The following MAD2L2 variants were observed in gnomAD, a reference collection of about 807,000 sequenced individuals.
The protein encoded by MAD2L2 is mitotic arrest deficient 2 like 2, also known as mitotic spindle assembly checkpoint protein MAD2B.
Under a neutral mutation model 30.5 loss-of-function variants are expected in MAD2L2, and 17 were observed. The ratio of observed to expected loss-of-function variants is 0.56; its 90% CI spans 0.38 to 0.84. The LOEUF is 0.84. Ranked by LOEUF, MAD2L2 falls within the 40% of genes least tolerant of loss-of-function variation. The pLI, the probability that MAD2L2 is intolerant of heterozygous loss-of-function variation, is 0.00. For synonymous variants in MAD2L2, 101 were observed against 113.9 expected (o/e 0.89, Z 0.72); for missense variants, 213 against 277.4 (o/e 0.77, Z 1.65).
At chr1:11,675,925 T>C (rs1640759324) in intron 6 of MAD2L2, 121 bp downstream of exon 6, 2 of 932,936 alleles carry the variant, frequency 2.1e-6, no homozygotes, top group Non-Finnish European at 3.5e-6. Context: ...CCAGAGGAGG[T>C]GGACTCTCAG....
In MAD2L2 at chr1:11,674,759, G is replaced by A. The variant is rs1300722360; in HGVS notation, c.*16C>T. On this transcript the variant is annotated 3_prime_UTR_variant, in exon 9 of 9. Transcript: ENST00000376692. This position sits in a 1 kb window ranked among gnomAD's most constrained non-coding sequence, Gnocchi z 6.1. ...AGTCTGACAGTTTGGGCATCAGTGG[G>A]GTGGCAGGTGCCCCCTCAGCTGCCT... 1 of 1,613,070 alleles carries A rather than the reference G, an allele frequency of 6.2e-7. No individual in the cohort carries two copies. The highest frequency in any genetic ancestry group is 8.5e-7 in the Non-Finnish European group (1 of 1,179,504).
Position 11,674,633 on chromosome 1 carries a change from G to C in MAD2L2, c.*142C>G, listed in dbSNP as rs1455209734. 6 of 840,368 alleles carry C rather than the reference G, an allele frequency of 7.1e-6. No individual in the cohort carries two copies. Among genetic ancestry groups the C allele is most frequent in the Middle Eastern group, 3.0e-4 (1 of 3,346 alleles). The allele number at this position is 840,368 out of a possible 1,614,324, so 52.1% of individuals were successfully genotyped here. A position where few individuals can be genotyped will look rare whatever the true frequency, so the allele number is the denominator to read the frequency against. On this transcript the variant is annotated 3_prime_UTR_variant, in exon 9 of 9. Transcript: ENST00000376692. This position sits in a 1 kb window ranked among gnomAD's most constrained non-coding sequence, Gnocchi z 6.1. ...GGGGAGGCATCCTCCAAGCAGACCT[G>C]AGCGGCCCCGGGCTGGGGCGGGCGA...
chr1:11,677,795 C>A lies in MAD2L2; in HGVS notation c.160-181G>T, dbSNP rs191867938. ...TAAGAACTGGCCGGGCATGGTGGCT[C>A]ACGCCTATAATCTCAGCACTTTGGG... On this transcript the variant is annotated intron_variant, in intron 3 of 8. Transcript: ENST00000376692. 3.3e-3 allele frequency among the ~76,000 whole-genome samples: 508 copies of A among 151,998 alleles called. 1 individual carries two copies. The highest frequency in any genetic ancestry group is 0.011 in the African/African-American group (467 of 41,436).
intron 4 of MAD2L2, 77 bp from the exon 5 acceptor site, chr1:11,677,025 C>T: frequency 8.7e-7 from 1 of 1,149,524 alleles, no homozygotes; most frequent in Non-Finnish European, 1.3e-6. Context: ...CCCCCTTGCC[C>T]AAGGAAGGAG....
At position 11,674,990 on chromosome 1, in the gene MAD2L2, C is replaced by A; in HGVS notation, c.594+92G>T. The A allele has an allele frequency of 7.6e-7, 1 of 1,309,486 alleles. No homozygotes were observed. The highest frequency in any genetic ancestry group is 1.1e-6 in the Non-Finnish European group (1 of 930,210). 81.1% of individuals were successfully genotyped at this position (1,309,486 alleles called of 1,614,324 possible). On this transcript the variant is annotated intron_variant, in intron 8 of 8. Transcript: ENST00000376692. This position sits in a 1 kb window ranked among gnomAD's most constrained non-coding sequence, Gnocchi z 6.1. ...CCTCCACCAGGCACTCCCCCGTTCT[C>A]TCCCGCAAGCCCTCTAGTAAGGCCT...
intron 3 of MAD2L2, among the ~76,000 whole-genome samples, chr1:11,679,575 G>A (rs72638627): frequency 0.16 from 24,284 of 149,010 alleles, 2,284 homozygotes; most frequent in South Asian, 0.23. Flanking sequence ...CGCCCAGGCT[G>A]GAGTGCAGTG....
At chr1:11,689,269 G>C (rs1040033596) in intron 1 of MAD2L2, among the ~76,000 whole-genome samples, 9 of 139,682 alleles carry the variant, frequency 6.4e-5, no homozygotes, top group Admixed American at 1.5e-4. Context: ...TACAAGCCTG[G>C]GCAACAAAGT....
rs28924106 is a variant in MAD2L2 at position 11,677,509 on chromosome 1, G to A, written c.231+34C>T. ...CACACAGGGACGGGGGTGAGCATGG[G>A]GTGAGATGGCTGGGGAGCCCAGTGC... On this transcript the variant is annotated intron_variant, in intron 4 of 8. Coordinates refer to ENST00000376692, the MANE Select transcript of MAD2L2 (RefSeq NM_006341.4). 3.7e-5 allele frequency: 59 copies of A among 1,601,076 alleles called. No individual in the cohort carries two copies. The African/African-American group carries it at 7.6e-4, about 21-fold the overall frequency.
chr1:11,687,849 T>G lies in MAD2L2; in HGVS notation c.-692+3564A>C, dbSNP rs1346665589. Among the ~76,000 whole-genome samples the G allele has an allele frequency of 1.3e-5, 2 of 152,178 alleles. No homozygotes were observed. Among genetic ancestry groups the G allele is most frequent in the African/African-American group, 2.4e-5 (1 of 41,444 alleles). ...TACTCCCGTGTATGGATAGACCACATCTGCTTATCCAGTCATCAGTTGATG... is the reference window on the plus strand; with the variant it reads ...TACTCCCGTGTATGGATAGACCACAGCTGCTTATCCAGTCATCAGTTGATG... On this transcript the variant is annotated intron_variant, in intron 1 of 10. Transcript: ENST00000235310. This position sits in a 1 kb window ranked among gnomAD's most constrained non-coding sequence, Gnocchi z 4.1.
intron 1 of MAD2L2, chr1:11,691,352 A>C (rs939685112): frequency 4.0e-5 from 6 of 151,800 alleles, no homozygotes; most frequent in Non-Finnish European, 8.8e-5. Flanking sequence ...GAGGCGCCAC[A>C]ACTGCCGGAG....
At position 11,680,702 on chromosome 1, in the gene MAD2L2, T is replaced by C. The variant is rs1300869001; in HGVS notation, c.-12-89A>G. 2.7e-6 allele frequency: 4 copies of C among 1,482,158 alleles called. No individual in the cohort carries two copies. The Admixed American group carries it at 7.4e-5, about 27-fold the overall frequency. 91.8% of individuals were successfully genotyped at this position (1,482,158 alleles called of 1,614,324 possible). On this transcript the variant is annotated intron_variant, in intron 1 of 8. Transcript: ENST00000376692. The stretch of plus-strand genomic sequence containing the variant: ...TCCACCGTCTCTTCCCTCCCCACAG[T>C]CTGTGGGAACTGGGGAAGGACCTCC...
chr1:11,685,565 A>G (rs1310601595), upstream of MAD2L2, among the ~76,000 whole-genome samples: 1 of 152,148 alleles, frequency 6.6e-6, no homozygotes, highest in Non-Finnish European at 1.5e-5. Flanking sequence ...TCTGAACCTC[A>G]GTTTGCTCAT....
chr1:11,686,492 C>T (rs769483236), intron 1 of MAD2L2, among the ~76,000 whole-genome samples: 5 of 152,128 alleles, frequency 3.3e-5, no homozygotes, highest in African/African-American at 4.8e-5. Context: ...TGGTCTTGAA[C>T]ATTTGGCCTC....
chr1:11,674,827 C>T lies in MAD2L2; in HGVS notation c.595-11G>A. On this transcript the variant is annotated splice_polypyrimidine_tract_variant and intron_variant, in intron 8 of 8. Transcript: ENST00000376692. This position sits in a 1 kb window ranked among gnomAD's most constrained non-coding sequence, Gnocchi z 6.1. ...CACGTAAAGCTGCATCTGACGGACA[C>T]AAGCAAACAGCCACAGTCAGCAAGA... The T allele has an allele frequency of 1.2e-6, 2 of 1,613,686 alleles. No individual in the cohort carries two copies. The highest frequency in any genetic ancestry group is 1.7e-6 in the Non-Finnish European group (2 of 1,179,980).
chr1:11,681,613 A>T (rs534818658), upstream of MAD2L2: 30 of 152,132 alleles, frequency 2.0e-4, no homozygotes, highest in African/African-American at 7.2e-4. Flanking sequence ...TTTTAAAAAT[A>T]AAAAAAAGAG....
chr1:11,682,902 C>A (rs2100715550), upstream of MAD2L2, among the ~76,000 whole-genome samples: 1 of 152,334 alleles, frequency 6.6e-6, no homozygotes, highest in Non-Finnish European at 1.5e-5. Flanking sequence ...GGATCCTGCA[C>A]ACATCATGCC....
At chr1:11,681,612 TAAAA>T (rs928422109), upstream of MAD2L2, 6 of 151,736 alleles carry the variant, frequency 4.0e-5, no homozygotes, top group Admixed American at 1.3e-4. Flanking sequence ...ATTTTAAAAA[TAAAA>T]AAAAGAGGGC....
In MAD2L2 at chr1:11,680,337, C is replaced by T. The variant is rs1640849217; in HGVS notation, c.159+16G>A. On this transcript the variant is annotated intron_variant, in intron 3 of 8. Transcript: ENST00000376692. ...TCCACCCTGTACCCACTCTGTGGTT[C>T]TGGGACGTGCCTCACCTGGACCGGC... 6.2e-7 allele frequency: 1 copy of T among 1,606,104 alleles called. No homozygotes were observed. Among genetic ancestry groups the T allele is most frequent in the Non-Finnish European group, 8.5e-7 (1 of 1,173,556 alleles).
chr1:11,684,514 A>C (rs546390609), upstream of MAD2L2, among the ~76,000 whole-genome samples: 5 of 152,062 alleles, frequency 3.3e-5, no homozygotes, highest in South Asian at 1.0e-3. Context: ...AGGGAAAATC[A>C]CTCCCAAGAG....
Sources: allele counts gnomAD v4.1 joint callset (sites outside exome capture counted in the v4.1 genomes callset), GRCh38; gene constraint gnomAD v4.1.1; non-coding constraint Gnocchi (gnomAD v3.1); transcripts MANE v1.5; gene names NCBI Gene and HGNC (gene_info 2026-07-23, HGNC 2026-07-21).